The following KCNMA1 variants were observed in gnomAD, a reference collection of about 807,000 sequenced individuals.
KCNMA1 encodes Calcium-activated potassium channel subunit alpha-1.
In KCNMA1, 29 loss-of-function variants were observed where a neutral mutation model predicts 140.0. The ratio of observed to expected loss-of-function variants is 0.21; its 90% CI spans 0.15 to 0.28. The LOEUF (loss-of-function observed/expected upper bound fraction) is 0.28. Among genes scored for constraint, KCNMA1 ranks in the 10% least tolerant of loss-of-function variants. The pLI is 1.00. For synonymous variants in KCNMA1, 612 were observed against 611.9 expected (o/e 1.00, Z 0.00); for missense variants, 880 against 1,602.2 (o/e 0.55, Z 7.70).
intron 1 of KCNMA1, among the ~76,000 whole-genome samples, chr10:77,573,024 A>G (rs1210132205): frequency 6.6e-6 from 1 of 152,144 alleles, no homozygotes; most frequent in Admixed American, 6.5e-5. Context: ...TCCACTCACC[A>G]CCAGCCCCTC....
chr10:76,948,398 C>G (rs1405640697), intron 22 of KCNMA1, among the ~76,000 whole-genome samples: 1 of 152,146 alleles, frequency 6.6e-6, no homozygotes, highest in African/African-American at 2.4e-5. Context: ...AGAATTACAT[C>G]AAATGTTGAA....
intron 2 of KCNMA1, among the ~76,000 whole-genome samples, chr10:77,294,267 A>T (rs1046190051): frequency 2.0e-5 from 3 of 152,192 alleles, no homozygotes; most frequent in Non-Finnish European, 4.4e-5. Flanking sequence ...CAATGGGTGT[A>T]CTTATCATCC....
At chr10:77,114,002 T>G (rs11002020) in intron 6 of KCNMA1, among the ~76,000 whole-genome samples, 61,233 of 151,990 alleles carry the variant, frequency 0.4, 12,976 homozygotes, top group Middle Eastern at 0.48. Context: ...AAGAATCTCT[T>G]CGGGGATGGC....
At chr10:77,201,014 C>T (rs2042276674) in intron 3 of KCNMA1, among the ~76,000 whole-genome samples, 1 of 152,194 alleles carries the variant, frequency 6.6e-6, no homozygotes, top group African/African-American at 2.4e-5. Context: ...TTTTCTCTCA[C>T]AGAATCCTGA....
chr10:77,173,490 G>A (rs982026502), intron 5 of KCNMA1, among the ~76,000 whole-genome samples: 4 of 151,996 alleles, frequency 2.6e-5, no homozygotes, highest in Admixed American at 1.3e-4. Flanking sequence ...TATACTGTAT[G>A]TACATACACA....
Position 77,022,074 on chromosome 10 carries a change from C to T in KCNMA1, c.1929-2975G>A, listed in dbSNP as rs567437922. Among the ~76,000 whole-genome samples the T allele has an allele frequency of 3.9e-4, 59 of 152,264 alleles. 1 individual carries two copies. In the South Asian group the frequency reaches 0.012, roughly 31 times the overall value. ...GATAACCTTCTCCCCCTTTTGCCTACTATCTTTAGAATTCGTTATTGACCT... is the reference window on the plus strand; with the variant it reads ...GATAACCTTCTCCCCCTTTTGCCTATTATCTTTAGAATTCGTTATTGACCT... On this transcript the variant is annotated intron_variant, in intron 16 of 27. Coordinates refer to ENST00000286628, the MANE Select transcript of KCNMA1 (RefSeq NM_001161352.2).
chr10:77,491,387 T>C (rs900636019), intron 1 of KCNMA1, among the ~76,000 whole-genome samples: 4 of 152,142 alleles, frequency 2.6e-5, no homozygotes, highest in African/African-American at 9.7e-5. Flanking sequence ...CATTGTTCCA[T>C]GGCCCAGTTT....
At chr10:77,066,266 T>C (rs960128913) in intron 14 of KCNMA1, among the ~76,000 whole-genome samples, 2 of 152,152 alleles carry the variant, frequency 1.3e-5, no homozygotes, top group African/African-American at 2.4e-5. Context: ...GAGCTAGTAG[T>C]AGGAGTGCAG....
At chr10:77,069,123 C>A (rs561057298) in intron 14 of KCNMA1, among the ~76,000 whole-genome samples, 5 of 152,124 alleles carry the variant, frequency 3.3e-5, no homozygotes, top group Non-Finnish European at 5.9e-5. Context: ...AGGGCTGAGG[C>A]AATAGCAGAT....
intron 5 of KCNMA1, among the ~76,000 whole-genome samples, chr10:77,138,183 T>C (rs929628815): frequency 3.3e-5 from 5 of 152,204 alleles, no homozygotes; most frequent in African/African-American, 1.2e-4. Context: ...TCTATTTGAA[T>C]AGAGGAGCCA....
intron 20 of KCNMA1, among the ~76,000 whole-genome samples, chr10:76,965,627 C>T (rs1038589204): frequency 6.6e-6 from 1 of 152,176 alleles, no homozygotes; most frequent in African/African-American, 2.4e-5. Flanking sequence ...TGGCTATAGC[C>T]ACACCCAGGC....
At position 77,438,756 on chromosome 10, in the gene KCNMA1, A is replaced by G. The variant is rs575908060; in HGVS notation, c.379-34733T>C. On this transcript the variant is annotated intron_variant, in intron 1 of 27. Coordinates refer to ENST00000286628, the MANE Select transcript of KCNMA1 (RefSeq NM_001161352.2). ...TACAAAGTCCTTATTCCTTCTCTCC[A>G]CAACATTTTATTAAGAAAATTTCAA... is the stretch of plus-strand genomic sequence containing the variant. Among the ~76,000 whole-genome samples, 3 of 152,236 alleles carry G rather than the reference A, an allele frequency of 2.0e-5. No homozygotes were observed. The South Asian group carries it at 6.2e-4, about 32-fold the overall frequency.
intron 1 of KCNMA1, among the ~76,000 whole-genome samples, chr10:77,633,092 G>A (rs1322123288): frequency 2.6e-5 from 4 of 152,184 alleles, no homozygotes; most frequent in South Asian, 2.1e-4. Context: ...CAAGGTGGGC[G>A]AATCACAAGG....
At chr10:77,028,195 T>C (rs930016703) in intron 15 of KCNMA1, among the ~76,000 whole-genome samples, 2 of 152,136 alleles carry the variant, frequency 1.3e-5, no homozygotes, top group Admixed American at 1.3e-4. Flanking sequence ...CCAGATTCAT[T>C]AGTTACTCGG....
intron 14 of KCNMA1, among the ~76,000 whole-genome samples, chr10:77,042,407 G>T (rs2094779073): frequency 6.6e-6 from 1 of 152,032 alleles, no homozygotes; most frequent in Non-Finnish European, 1.5e-5. Flanking sequence ...AGAATATTTG[G>T]GAAACAGTAT....
At chr10:77,051,303 A>G (rs1213196650) in intron 14 of KCNMA1, among the ~76,000 whole-genome samples, 2 of 152,194 alleles carry the variant, frequency 1.3e-5, no homozygotes, top group Non-Finnish European at 2.9e-5. Flanking sequence ...CAAAGGGTTC[A>G]GTCGTAAACT....
At chr10:77,586,328 C>A (rs963036349) in intron 1 of KCNMA1, 2 of 152,204 alleles carry the variant, frequency 1.3e-5, no homozygotes, top group Admixed American at 1.3e-4. Context: ...TGGATGCAGA[C>A]CGTTGCATGT....
At chr10:76,929,699 G>T (rs2058769336) in intron 23 of KCNMA1, among the ~76,000 whole-genome samples, 1 of 152,186 alleles carries the variant, frequency 6.6e-6, no homozygotes, top group African/African-American at 2.4e-5. Context: ...ACCAATGCAT[G>T]CCTGCATCAA....
intron 19 of KCNMA1, among the ~76,000 whole-genome samples, chr10:76,996,975 G>A (rs1324432215): frequency 1.3e-5 from 2 of 152,116 alleles, no homozygotes; most frequent in Non-Finnish European, 2.9e-5. Context: ...TCAGGATAGG[G>A]TGTGTCCTAT....
Sources: gnomAD v4.1 joint callset for allele counts (sites outside exome capture counted in the v4.1 genomes callset) on GRCh38, gnomAD v4.1.1 for gene constraint, MANE v1.5 for transcripts, NCBI Gene and HGNC (gene_info 2026-07-23, HGNC 2026-07-21) for gene names.